The following SZT2 variants were observed in gnomAD, a reference collection of about 807,000 sequenced individuals.
SZT2 encodes SZT2 subunit of KICSTOR complex.
A neutral mutation model predicts 404.2 loss-of-function variants in SZT2; 216 were observed. The observed-to-expected ratio is 0.53, with a 90% CI of 0.48 to 0.60. SZT2 has a LOEUF of 0.60. Ranked by LOEUF, SZT2 falls within the 20% of genes least tolerant of loss-of-function variation. The pLI is 0.00. For synonymous variants in SZT2, 1,693 were observed against 1,749.9 expected, an observed-to-expected ratio of 0.97 and a Z score of 0.81; for missense variants, 3,857 against 4,459.2, an observed-to-expected ratio of 0.86 and a Z score of 3.85.
intron 4 of SZT2, chr1:43,406,790 C>G (rs1202470696): frequency 6.6e-6 from 1 of 152,236 alleles, no homozygotes; most frequent in Non-Finnish European, 1.5e-5. Flanking sequence ...AGTTACTTAA[C>G]CTTTCTGTGC....
intron 1 of SZT2, among the ~76,000 whole-genome samples, chr1:43,394,734 C>T (rs755359552): frequency 7.9e-5 from 12 of 151,878 alleles, no homozygotes; most frequent in East Asian, 1.9e-4. Flanking sequence ...CAAAATTAGC[C>T]GGGCGTGGTG....
rs368556352 is a variant in SZT2 at position 43,450,077 on chromosome 1, T to C, written c.10087-26T>C. The C allele has an allele frequency of 2.5e-6, 4 of 1,613,800 alleles. No individual in the cohort carries two copies. The African/African-American group carries it at 4.0e-5, about 16-fold the overall frequency. ...CCTGTGGGAGGGTCTGTAGGGTCTG[T>C]GTCCCCTCCTCATCTTTCACTGCAG... On this transcript the variant is annotated intron_variant, in intron 70 of 71. Transcript: ENST00000634258. The surrounding 1 kb of genome is among the most constrained non-coding windows in gnomAD (Gnocchi z 4.3).
intron 1 of SZT2, among the ~76,000 whole-genome samples, chr1:43,397,548 G>A (rs1649149420): frequency 6.6e-6 from 1 of 151,292 alleles, no homozygotes; most frequent in Non-Finnish European, 1.5e-5. Flanking sequence ...TGGAGAGATG[G>A]ATGGAGTCTT....
chr1:43,408,075 G>C (rs1650552223), intron 4 of SZT2, among the ~76,000 whole-genome samples: 1 of 152,092 alleles, frequency 6.6e-6, no homozygotes, highest in South Asian at 2.1e-4. Flanking sequence ...CTTGTGATCT[G>C]CCCGCCTCGG....
At chr1:43,418,436 A>G (rs1038634036) in intron 7 of SZT2, among the ~76,000 whole-genome samples, 1 of 152,198 alleles carries the variant, frequency 6.6e-6, no homozygotes, top group Non-Finnish European at 1.5e-5. Context: ...TTCTTTGAAA[A>G]TAGAAAGAAG....
intron 26 of SZT2, 72 bp from the exon 27 acceptor site, chr1:43,427,931 T>A: frequency 7.2e-7 from 1 of 1,392,422 alleles, no homozygotes; most frequent in South Asian, 1.2e-5. Context: ...TCCATTGGAG[T>A]GTGGATGGCT....
chr1:43,421,337 A>T (rs1015352060), intron 11 of SZT2, 34 bp downstream of exon 11: 3 of 1,593,848 alleles, frequency 1.9e-6, no homozygotes, highest in Admixed American at 3.3e-5. Context: ...GCCCCATTTC[A>T]TGTCAACTTG....
In SZT2 at chr1:43,424,972, T is replaced by C. The variant is rs1464940404; in HGVS notation, c.2550+110T>C. On this transcript the variant is annotated intron_variant, in intron 17 of 71. Transcript: ENST00000634258. The surrounding 1 kb of genome is among the most constrained non-coding windows in gnomAD (Gnocchi z 4.1). ...TGGAAACTGCCTCACAGGGACCCTG[T>C]GGCCAGAGGATGCTCAAGGTCTGAG... The C allele has an allele frequency of 2.7e-6, 4 of 1,489,166 alleles. No individual in the cohort carries two copies. The East Asian group carries it at 6.8e-5, about 25-fold the overall frequency. The allele number at this position is 1,489,166 out of a possible 1,614,324, so 92.2% of individuals were successfully genotyped here.
At chr1:43,435,379 TC>T (rs1654356177) in intron 42 of SZT2, 50 bp downstream of exon 42, 1 of 1,604,526 alleles carries the variant, frequency 6.2e-7, no homozygotes, top group African/African-American at 1.3e-5. Context: ...TGCCGCCCTT[TC>T]TTTTACCGAA....
intron 62 of SZT2, 107 bp from the exon 63 acceptor site, chr1:43,445,787 T>G (rs1655589849): frequency 1.8e-6 from 2 of 1,133,142 alleles, no homozygotes; most frequent in Non-Finnish European, 2.6e-6. Flanking sequence ...GTGGGTCTGT[T>G]TCCTCCCTTG....
rs894880815 is a variant in SZT2 at position 43,437,120 on chromosome 1, A to T, written c.6035-51A>T. 4.5e-5 allele frequency: 72 copies of T among 1,602,740 alleles called. No homozygotes were observed. Among genetic ancestry groups the T allele is most frequent in the Non-Finnish European group, 6.0e-5 (71 of 1,173,572 alleles). On this transcript the variant is annotated intron_variant, in intron 42 of 71. Transcript: ENST00000634258. This position sits in a 1 kb window ranked among gnomAD's most constrained non-coding sequence, Gnocchi z 5.3. ...CAGTTCCCAGGTGAGAAGTCTGTGG[A>T]GGGCAGAGGGTGGTGTGTCCCATTT...
Position 43,451,626 on chromosome 1 carries a change from G to T in SZT2, c.*1146G>T, listed in dbSNP as rs372809041. ...AGATGTGGGGATTGAAAGGGTGGGA[G>T]GGCAAAGGAAGGTCCTCTCACCAAC... On this transcript the variant is annotated 3_prime_UTR_variant, in exon 72 of 72. Transcript: ENST00000634258. The T allele has an allele frequency of 7.2e-5, 116 of 1,613,922 alleles. No individual in the cohort carries two copies. The highest frequency in any genetic ancestry group is 9.2e-5 in the Non-Finnish European group (109 of 1,179,942).
At position 43,398,745 on chromosome 1, in the gene SZT2, TAGTC is replaced by T. The variant is rs558025836; in HGVS notation, c.28-4429_28-4426del. On this transcript the variant is annotated intron_variant, in intron 1 of 71. Coordinates refer to ENST00000634258, the MANE Select transcript of SZT2 (RefSeq NM_001365999.1). ...GATGGGACTTTTCGATGGGGTGTGG[TAGTC>T]AGGAATAACTATCTACTTTTTGTAG... 4.0e-3 allele frequency among the ~76,000 whole-genome samples: 614 copies of T among 152,300 alleles called. 2 individuals are homozygous for T. Among genetic ancestry groups the T allele is most frequent in the Non-Finnish European group, 5.8e-3 (392 of 68,022 alleles).
intron 1 of SZT2, among the ~76,000 whole-genome samples, chr1:43,393,070 T>G (rs1346208644): frequency 6.6e-6 from 1 of 152,212 alleles, no homozygotes; most frequent in African/African-American, 2.4e-5. Context: ...TCAACCTACC[T>G]TGTTAAGAAA....
chr1:43,439,194 A>G lies in SZT2; in HGVS notation c.6792+101A>G, dbSNP rs1352871242. On this transcript the variant is annotated intron_variant, in intron 48 of 71. Transcript: ENST00000634258. The surrounding 1 kb of genome is among the most constrained non-coding windows in gnomAD (Gnocchi z 4.2). ...GATACCCCTATATGTACCTTTGCCC[A>G]TGGACCTGGGTACACCCATGCCCCC... is the stretch of plus-strand genomic sequence containing the variant. 17 of 1,573,654 alleles carry G rather than the reference A, an allele frequency of 1.1e-5. No individual in the cohort carries two copies. Among genetic ancestry groups the G allele is most frequent in the Admixed American group, 1.7e-5 (1 of 59,184 alleles).
rs1297735676 is a variant in SZT2 at position 43,441,612 on chromosome 1, A to G, written c.7609+11A>G. 2.7e-5 allele frequency: 43 copies of G among 1,613,846 alleles called. No homozygotes were observed. Among genetic ancestry groups the G allele is most frequent in the Non-Finnish European group, 3.6e-5 (42 of 1,179,948 alleles). ...TTATGGTTCAGATTGGTGAGACCCC[A>G]GCCTCCCCTCCCATCCCTCAACCCC... On this transcript the variant is annotated intron_variant, in intron 54 of 71. Coordinates refer to ENST00000634258, the MANE Select transcript of SZT2 (RefSeq NM_001365999.1). This position sits in a 1 kb window ranked among gnomAD's most constrained non-coding sequence, Gnocchi z 4.8.
In SZT2 at chr1:43,404,534, G is replaced by A. The variant is rs762038104; in HGVS notation, c.482G>A (p.Gly161Glu). 1 of 1,613,328 alleles carries A rather than the reference G, an allele frequency of 6.2e-7. No individual in the cohort carries two copies. Among genetic ancestry groups the A allele is most frequent in the Admixed American group, 1.7e-5 (1 of 59,996 alleles). ...VTIQAYSSII[G>E]LQSHQVLVQG... ...ATCCAGGCCTACTCCTCCATCATTGGACTGCAGTCCCACCAGGTATTGCAT... is the reference window on the plus strand; with the variant it reads ...ATCCAGGCCTACTCCTCCATCATTGAACTGCAGTCCCACCAGGTATTGCAT... The change falls in exon 4 of 72, where the codon GGA (glycine) becomes GAA (glutamate). Residue 161 changes from glycine (G) to glutamate (E), a missense_variant. Around this residue, in one of 7 missense-constraint regions of SZT2, gnomAD observed 536 missense variants for 637.4 expected, o/e 0.84. Transcript: ENST00000634258.
Position 43,446,339 on chromosome 1 carries a change from C to T in SZT2, c.8998-3C>T. The T allele has an allele frequency of 1.2e-6, 2 of 1,614,244 alleles. No homozygotes were observed. The highest frequency in any genetic ancestry group is 1.7e-6 in the Non-Finnish European group (2 of 1,180,042). On this transcript the variant is annotated splice_polypyrimidine_tract_variant and splice_region_variant and intron_variant, in intron 64 of 71. Coordinates refer to ENST00000634258, the MANE Select transcript of SZT2 (RefSeq NM_001365999.1). ...CCTGATCTCATCTTCACCTTCCCTC[C>T]AGGGCTGTTACTTCTGTGTCAAACA... is the stretch of plus-strand genomic sequence containing the variant.
chr1:43,435,081 G>C (rs1654320209), intron 41 of SZT2, 119 bp from the exon 42 acceptor site: 1 of 1,208,216 alleles, frequency 8.3e-7, no homozygotes, highest in Non-Finnish European at 1.2e-6. Context: ...TGATATTCTT[G>C]TTGACCTCCA....
Sources: allele counts gnomAD v4.1 joint callset (sites outside exome capture counted in the v4.1 genomes callset), GRCh38; gene constraint gnomAD v4.1.1; regional missense constraint gnomAD v4.1.1; non-coding constraint Gnocchi (gnomAD v3.1); transcripts MANE v1.5; gene names NCBI Gene and HGNC (gene_info 2026-07-23, HGNC 2026-07-21).